Variants in UNC5D observed in about 807,000 individuals in gnomAD.
The protein encoded by UNC5D is netrin receptor UNC5D.
Under a neutral mutation model 105.4 loss-of-function variants are expected in UNC5D, and 39 were observed. The ratio of observed to expected loss-of-function variants is 0.37; its 90% CI spans 0.29 to 0.48. The LOEUF is 0.48. Ranked by LOEUF, UNC5D falls within the 20% of genes least tolerant of loss-of-function variation. The pLI is 0.98. For synonymous variants in UNC5D, 452 were observed against 450.4 expected (o/e 1.00, Z -0.04); for missense variants, 991 against 1,202.4 (o/e 0.82, Z 2.60).
At chr8:35,249,178 A>C (rs1372368388) in intron 1 of UNC5D, among the ~76,000 whole-genome samples, 2 of 143,262 alleles carry the variant, frequency 1.4e-5, no homozygotes, top group Admixed American at 1.5e-4. Flanking sequence ...TTTTGAAGAC[A>C]GCTTTCCATG....
Position 35,502,856 on chromosome 8 carries a change from C to T in UNC5D, c.104-46436C>T, listed in dbSNP as rs143839887. Among the ~76,000 whole-genome samples the T allele has an allele frequency of 2.9e-3, 448 of 152,146 alleles. 2 individuals are homozygous for T. Among genetic ancestry groups the T allele is most frequent in the African/African-American group, 0.01 (435 of 41,502 alleles). On this transcript the variant is annotated intron_variant, in intron 1 of 16. Transcript: ENST00000404895. ...CTGGGATTACAGGCGTGAGCCACCG[C>T]GCCCAGCCTATATGGACTCTCTTAT...
intron 1 of UNC5D, among the ~76,000 whole-genome samples, chr8:35,370,287 A>G (rs1563352092): frequency 6.6e-6 from 1 of 152,210 alleles, no homozygotes; most frequent in East Asian, 1.9e-4. Flanking sequence ...GCATATGGCA[A>G]TGCTAAATTA....
intron 1 of UNC5D, among the ~76,000 whole-genome samples, chr8:35,365,135 G>A (rs1412879980): frequency 6.6e-6 from 1 of 152,182 alleles, no homozygotes; most frequent in East Asian, 1.9e-4. Flanking sequence ...GTTATACTCG[G>A]AGAAATACCT....
chr8:35,379,329 T>C (rs1343782330), intron 1 of UNC5D, among the ~76,000 whole-genome samples: 1 of 152,144 alleles, frequency 6.6e-6, no homozygotes, highest in African/African-American at 2.4e-5. Context: ...GATGAAACAG[T>C]CCACCATCAC....
At chr8:35,420,811 T>C (rs1422161931) in intron 1 of UNC5D, among the ~76,000 whole-genome samples, 1 of 152,054 alleles carries the variant, frequency 6.6e-6, no homozygotes, top group Non-Finnish European at 1.5e-5. Context: ...ATTTCTCTCA[T>C]GCCTTAGTAC....
At chr8:35,771,583 G>A (rs73673924) in intron 15 of UNC5D, among the ~76,000 whole-genome samples, 6,191 of 152,226 alleles carry the variant, frequency 0.041, 417 homozygotes, top group African/African-American at 0.14. Context: ...AAGAAGCTGA[G>A]TAGGTTCATT....
intron 4 of UNC5D, among the ~76,000 whole-genome samples, chr8:35,611,044 T>G (rs560955706): frequency 3.8e-4 from 57 of 149,184 alleles, no homozygotes; most frequent in Non-Finnish European, 7.1e-4. Flanking sequence ...TGCAAAACAT[T>G]TAGTAGTTTC....
At chr8:35,735,461 T>C (rs189915815) in intron 11 of UNC5D, among the ~76,000 whole-genome samples, 74 of 152,374 alleles carry the variant, frequency 4.9e-4, no homozygotes, top group African/African-American at 1.7e-3. Context: ...TTTTTAAATT[T>C]GGGCTCAGCC....
At chr8:35,639,524 A>G (rs1379035225) in intron 4 of UNC5D, among the ~76,000 whole-genome samples, 1 of 152,210 alleles carries the variant, frequency 6.6e-6, no homozygotes, top group African/African-American at 2.4e-5. Flanking sequence ...CAGGATGATT[A>G]TAGAAAATAT....
chr8:35,271,241 A>G (rs1805263752), intron 1 of UNC5D, among the ~76,000 whole-genome samples: 1 of 147,808 alleles, frequency 6.8e-6, no homozygotes, highest in Non-Finnish European at 1.5e-5. Flanking sequence ...AAATATAGGT[A>G]TACCTATATG....
At chr8:35,750,481 C>A (rs115775654) in intron 12 of UNC5D, 101 bp from the exon 13 acceptor site, 30,724 of 1,289,610 alleles carry the variant, frequency 0.024, 2,125 homozygotes, top group African/African-American at 0.23. Flanking sequence ...ATTCTGAAAA[C>A]AAATTTATAT....
intron 3 of UNC5D, among the ~76,000 whole-genome samples, chr8:35,570,950 CTCCA>C (rs1301125831): frequency 4.0e-5 from 6 of 151,666 alleles, no homozygotes; most frequent in African/African-American, 1.5e-4. Context: ...AAGAGCCAAA[CTCCA>C]TCAAGAAAGA....
intron 1 of UNC5D, among the ~76,000 whole-genome samples, chr8:35,340,335 G>A (rs1038970265): frequency 6.6e-6 from 1 of 152,178 alleles, no homozygotes; most frequent in African/African-American, 2.4e-5. Flanking sequence ...GACTCAGGGA[G>A]GAACACTGTA....
At chr8:35,393,716 T>G (rs556568749) in intron 1 of UNC5D, among the ~76,000 whole-genome samples, 1 of 152,104 alleles carries the variant, frequency 6.6e-6, no homozygotes. Context: ...GTATTGAAAA[T>G]GAAAAGCACC....
chr8:35,632,484 C>A (rs979093304), intron 4 of UNC5D, among the ~76,000 whole-genome samples: 1 of 152,264 alleles, frequency 6.6e-6, no homozygotes, highest in African/African-American at 2.4e-5. Flanking sequence ...GACCTCAAGC[C>A]GACCTGATTG....
Position 35,250,026 on chromosome 8 carries a change from C to A in UNC5D, c.103+14139C>A, listed in dbSNP as rs570621455. Among the ~76,000 whole-genome samples, 14 of 151,398 alleles carry A rather than the reference C, an allele frequency of 9.2e-5. No homozygotes were observed. In the South Asian group the frequency reaches 2.9e-3, roughly 32 times the overall value. On this transcript the variant is annotated intron_variant, in intron 1 of 16. Transcript: ENST00000404895. The stretch of plus-strand genomic sequence containing the variant: ...TGCTTTGAATGTGTGTGGGCATTTA[C>A]TTTTTTTTGTTTTTTTAAGTTATTT...
chr8:35,511,500 T>C (rs1392703822), intron 1 of UNC5D, among the ~76,000 whole-genome samples: 1 of 149,858 alleles, frequency 6.7e-6, no homozygotes, highest in Non-Finnish European at 1.5e-5. Flanking sequence ...AAAAAAGGTC[T>C]TAATTTTCAC....
At chr8:35,287,955 A>G (rs1248503495) in intron 1 of UNC5D, among the ~76,000 whole-genome samples, 1 of 152,180 alleles carries the variant, frequency 6.6e-6, no homozygotes, top group Admixed American at 6.5e-5. Flanking sequence ...AAGAAGGCCT[A>G]TGAAAATTAT....
rs1031565138 is a variant in UNC5D at position 35,235,950 on chromosome 8, G to T, written c.103+63G>T. 6.8e-5 allele frequency: 81 copies of T among 1,199,134 alleles called. No individual in the cohort carries two copies. The African/African-American group carries it at 1.0e-3, about 15-fold the overall frequency. The allele number at this position is 1,199,134 out of a possible 1,614,324, so 74.3% of individuals were successfully genotyped here. A position where few individuals can be genotyped will look rare whatever the true frequency, so the allele number is the denominator to read the frequency against. On this transcript the variant is annotated intron_variant, in intron 1 of 16. Coordinates refer to ENST00000404895, the MANE Select transcript of UNC5D (RefSeq NM_080872.4). ...CGCAGGGGCGCCAGCCTGACGGAGC[G>T]GGACCTGCACCGATGGCGTTGGCTT...
Sources: allele counts gnomAD v4.1 joint callset (sites outside exome capture counted in the v4.1 genomes callset), GRCh38; gene constraint gnomAD v4.1.1; transcripts MANE v1.5; gene names NCBI Gene and HGNC (gene_info 2026-07-23, HGNC 2026-07-21).